Variants in SOX5 observed in about 807,000 individuals in gnomAD.
The protein encoded by SOX5 is transcription factor SOX-5.
In SOX5, 9 loss-of-function variants were observed where a neutral mutation model predicts 92.0. The ratio of observed to expected loss-of-function variants is 0.10; its 90% CI spans 0.06 to 0.17. The LOEUF (loss-of-function observed/expected upper bound fraction) is 0.17. SOX5 is among the 10% of genes least tolerant of loss of function. SOX5 has a pLI of 1.00. For missense variants in SOX5, 642 were observed against 944.5 expected, an observed-to-expected ratio of 0.68 and a Z score of 4.20; for synonymous variants, 344 against 336.3, an observed-to-expected ratio of 1.02 and a Z score of -0.25.
chr12:23,669,016 G>T (rs1354194258), intron 6 of SOX5, among the ~76,000 whole-genome samples: 1 of 148,428 alleles, frequency 6.7e-6, no homozygotes, highest in Non-Finnish European at 1.5e-5. Context: ...AGATTCTTAA[G>T]ATTATTTAAT....
chr12:24,369,763 T>C (rs1956538462), intron 1 of SOX5, among the ~76,000 whole-genome samples: 1 of 152,236 alleles, frequency 6.6e-6, no homozygotes, highest in African/African-American at 2.4e-5. Context: ...GAAGTGTGGA[T>C]TATATTGTGC....
At chr12:23,577,666 G>C (rs1191491014) in intron 9 of SOX5, among the ~76,000 whole-genome samples, 1 of 151,802 alleles carries the variant, frequency 6.6e-6, no homozygotes, top group Non-Finnish European at 1.5e-5. Context: ...AAATTCATGA[G>C]ACAATTCAAA....
intron 2 of SOX5, among the ~76,000 whole-genome samples, chr12:24,330,149 A>C (rs1307222307): frequency 6.6e-6 from 1 of 151,390 alleles, no homozygotes; most frequent in African/African-American, 2.4e-5. Flanking sequence ...CCTTCAACAA[A>C]AAAGAAGAGA....
intron 10 of SOX5, among the ~76,000 whole-genome samples, chr12:23,572,499 T>A (rs1228288801): frequency 6.6e-6 from 1 of 151,762 alleles, no homozygotes; most frequent in East Asian, 1.9e-4. Flanking sequence ...AAAGTCATGA[T>A]AAATGACGTT....
Position 23,530,017 on chromosome 12 carries a change from A to G in SOX5, c.*4202T>C, listed in dbSNP as rs1319686836. 1 of 152,224 alleles carries G rather than the reference A, an allele frequency of 6.6e-6. No homozygotes were observed. Among genetic ancestry groups the G allele is most frequent in the Non-Finnish European group, 1.5e-5 (1 of 68,038 alleles). The allele number at this position is 152,224 out of a possible 1,614,324, so 9.4% of individuals were successfully genotyped here. A position where few individuals can be genotyped will look rare whatever the true frequency, so the allele number is the denominator to read the frequency against. ...TCAATCAATCAGTAGGAAACTCAAC[A>G]CATCGTCTTCAACCTGGGAAGTTGA... is the stretch of plus-strand genomic sequence containing the variant. On this transcript the variant is annotated 3_prime_UTR_variant, in exon 15 of 15. Coordinates refer to ENST00000451604, the MANE Select transcript of SOX5 (RefSeq NM_006940.6).
chr12:24,033,653 A>C (rs1334618604), intron 4 of SOX5, among the ~76,000 whole-genome samples: 1 of 152,050 alleles, frequency 6.6e-6, no homozygotes, highest in African/African-American at 2.4e-5. Context: ...ACACCTTCAG[A>C]AACAGTAGAA....
At chr12:24,441,057 C>A (rs1940481187) in intron 1 of SOX5, among the ~76,000 whole-genome samples, 1 of 152,178 alleles carries the variant, frequency 6.6e-6, no homozygotes, top group South Asian at 2.1e-4. Flanking sequence ...AGGACTTTCA[C>A]ATTCACTTTT....
At chr12:24,437,093 G>A (rs1407072556) in intron 1 of SOX5, among the ~76,000 whole-genome samples, 1 of 152,198 alleles carries the variant, frequency 6.6e-6, no homozygotes, top group African/African-American at 2.4e-5. Context: ...TGATGGAGAT[G>A]CCAAAAGAGA....
At chr12:23,591,792 A>T (rs1951599970) in intron 9 of SOX5, among the ~76,000 whole-genome samples, 1 of 152,164 alleles carries the variant, frequency 6.6e-6, no homozygotes, top group African/African-American at 2.4e-5. Context: ...CTATTTAAAG[A>T]CATTCCTGTT....
At chr12:23,686,976 G>C (rs575304542) in intron 6 of SOX5, among the ~76,000 whole-genome samples, 6 of 152,146 alleles carry the variant, frequency 3.9e-5, no homozygotes, top group African/African-American at 1.2e-4. Flanking sequence ...GTGTGGTGTA[G>C]TGTCAAGTTA....
At chr12:24,178,903 C>G (rs1363849341) in intron 4 of SOX5, among the ~76,000 whole-genome samples, 1 of 152,156 alleles carries the variant, frequency 6.6e-6, no homozygotes, top group Non-Finnish European at 1.5e-5. Context: ...TGATACCCAT[C>G]TTTGACAAGT....
intron 10 of SOX5, among the ~76,000 whole-genome samples, chr12:23,570,198 T>C (rs925900081): frequency 3.3e-5 from 5 of 152,226 alleles, no homozygotes; most frequent in African/African-American, 4.8e-5. Flanking sequence ...TCAACAAATA[T>C]ATTTTTTTCT....
At chr12:24,348,208 C>G (rs144574355) in intron 2 of SOX5, among the ~76,000 whole-genome samples, 1 of 151,830 alleles carries the variant, frequency 6.6e-6, no homozygotes, top group African/African-American at 2.4e-5. Flanking sequence ...CTAAAGTTTG[C>G]GATCTCCTAA....
intron 4 of SOX5, among the ~76,000 whole-genome samples, chr12:24,197,215 A>G (rs1957087942): frequency 1.3e-5 from 2 of 152,154 alleles, no homozygotes; most frequent in African/African-American, 4.8e-5. Flanking sequence ...AGATCAATTT[A>G]ATAGCCCCTT....
intron 11 of SOX5, among the ~76,000 whole-genome samples, chr12:23,553,541 G>A (rs548622373): frequency 6.6e-6 from 1 of 152,104 alleles, no homozygotes; most frequent in East Asian, 1.9e-4. Flanking sequence ...AAGGGAGGCA[G>A]GAGGGGAAAA....
chr12:24,262,688 T>C (rs1373406049), intron 3 of SOX5, among the ~76,000 whole-genome samples: 1 of 152,164 alleles, frequency 6.6e-6, no homozygotes, highest in East Asian at 1.9e-4. Context: ...CTGATGCATT[T>C]TCTCCTCTCT....
At chr12:24,250,578 G>C (rs376478708) in intron 3 of SOX5, among the ~76,000 whole-genome samples, 2 of 152,194 alleles carry the variant, frequency 1.3e-5, no homozygotes, top group Non-Finnish European at 2.9e-5. Context: ...ACAGCATTTC[G>C]CTTTGAAGTT....
chr12:24,323,658 A>G (rs752982744), intron 2 of SOX5, among the ~76,000 whole-genome samples: 17 of 152,242 alleles, frequency 1.1e-4, no homozygotes, highest in Admixed American at 3.3e-4. Flanking sequence ...ATTTTATTAC[A>G]TTTTTAAATA....
At chr12:23,779,838 CAT>C (rs72432717) in intron 3 of SOX5, among the ~76,000 whole-genome samples, 11,859 of 141,986 alleles carry the variant, frequency 0.084, 623 homozygotes, top group Non-Finnish European at 0.12. Context: ...CACACACACA[CAT>C]ATGCATACAT....
Sources: gnomAD v4.1 joint callset for allele counts (sites outside exome capture counted in the v4.1 genomes callset) on GRCh38, gnomAD v4.1.1 for gene constraint, MANE v1.5 for transcripts, NCBI Gene and HGNC (gene_info 2026-07-23, HGNC 2026-07-21) for gene names.